The following COL25A1 variants were observed in gnomAD, a reference collection of about 807,000 sequenced individuals.
The protein encoded by COL25A1 is collagen type XXV alpha 1 chain, also known as collagen alpha-1(XXV) chain.
Under a neutral mutation model 128.4 loss-of-function variants are expected in COL25A1, and 103 were observed. That is an observed-to-expected ratio of 0.80 (90% CI 0.68 to 0.94). COL25A1 has a LOEUF of 0.94. COL25A1 is among the 40% of genes least tolerant of loss of function. The pLI is 0.00. For missense variants in COL25A1, 745 were observed against 840.0 expected (o/e 0.89, Z 1.40); for synonymous variants, 279 against 277.2 (o/e 1.01, Z -0.06).
chr4:109,234,695 G>A (rs1779357826), intron 3 of COL25A1, among the ~76,000 whole-genome samples: 1 of 151,990 alleles, frequency 6.6e-6, no homozygotes, highest in African/African-American at 2.4e-5. Flanking sequence ...AGCAAAAATG[G>A]TCACAATCAT....
At chr4:109,015,122 A>G (rs943045164) in intron 5 of COL25A1, among the ~76,000 whole-genome samples, 4 of 152,248 alleles carry the variant, frequency 2.6e-5, no homozygotes, top group African/African-American at 9.6e-5. Context: ...AGAGCAGGAG[A>G]GTGTCTCAGA....
At chr4:109,042,133 C>T (rs745536215) in intron 5 of COL25A1, among the ~76,000 whole-genome samples, 12 of 152,002 alleles carry the variant, frequency 7.9e-5, no homozygotes, top group Non-Finnish European at 1.8e-4. Flanking sequence ...CTTACTGTAG[C>T]CACTTCCAGA....
At chr4:109,294,095 C>T (rs1724731162) in intron 3 of COL25A1, among the ~76,000 whole-genome samples, 1 of 152,032 alleles carries the variant, frequency 6.6e-6, no homozygotes, top group Non-Finnish European at 1.5e-5. Flanking sequence ...GAAGAAATTC[C>T]TTGCTTCCTC....
chr4:109,156,449 A>C (rs1040550916), intron 3 of COL25A1, among the ~76,000 whole-genome samples: 2 of 152,210 alleles, frequency 1.3e-5, no homozygotes, highest in African/African-American at 2.4e-5. Context: ...AAAATGTTTA[A>C]TTCTTAGTGG....
rs1468246561 is a variant in COL25A1, at chr4:108,920,578, C to T, written c.735G>A (p.Lys245=). 1 of 1,602,502 alleles carries T rather than the reference C, an allele frequency of 6.2e-7. No individual in the cohort carries two copies. Among genetic ancestry groups the T allele is most frequent in the Non-Finnish European group, 8.5e-7 (1 of 1,171,914 alleles). Residue 245 remains lysine (K), a splice_region_variant and synonymous_variant, in exon 12 of 38, where the codon AAG becomes AAA. Transcript: ENST00000399132. ...CACAATATTGTTGTTTATACTCTAC[C>T]TTTTGTCCCGGAGGCCCTAGAGGAC... ...LMGPLGPPGQ[K]GSIGAPGIPG...
intron 11 of COL25A1, among the ~76,000 whole-genome samples, chr4:108,931,894 G>A (rs1340890249): frequency 6.6e-6 from 1 of 152,328 alleles, no homozygotes; most frequent in South Asian, 2.1e-4. Context: ...TGGACAATCA[G>A]ATTAAGGGAG....
chr4:108,978,215 G>A (rs555990251), intron 6 of COL25A1, among the ~76,000 whole-genome samples: 1 of 152,350 alleles, frequency 6.6e-6, no homozygotes, highest in Non-Finnish European at 1.5e-5. Context: ...GCACCTGCCA[G>A]CTTAGGACAG....
intron 3 of COL25A1, among the ~76,000 whole-genome samples, chr4:109,221,032 C>T (rs1341238968): frequency 1.3e-5 from 2 of 151,972 alleles, no homozygotes; most frequent in Admixed American, 1.3e-4. Context: ...GCAAGAGTTT[C>T]CCAACCCTGC....
intron 8 of COL25A1, among the ~76,000 whole-genome samples, chr4:108,969,845 C>G (rs867422789): frequency 2.6e-5 from 4 of 152,114 alleles, no homozygotes; most frequent in African/African-American, 9.7e-5. Context: ...CTTGGTCACC[C>G]TGCTTTCAGT....
At chr4:109,043,031 A>G (rs995959960) in intron 5 of COL25A1, among the ~76,000 whole-genome samples, 1 of 152,088 alleles carries the variant, frequency 6.6e-6, no homozygotes, top group Non-Finnish European at 1.5e-5. Flanking sequence ...GACTTTGAAG[A>G]GGGACAGACC....
At chr4:109,031,180 C>T (rs868773686) in intron 5 of COL25A1, among the ~76,000 whole-genome samples, 1 of 152,168 alleles carries the variant, frequency 6.6e-6, no homozygotes, top group African/African-American at 2.4e-5. Context: ...GGCGCGATCT[C>T]GGCTCACTGC....
intron 5 of COL25A1, among the ~76,000 whole-genome samples, chr4:109,015,057 T>G (rs940083189): frequency 6.6e-6 from 1 of 152,020 alleles, no homozygotes; most frequent in Non-Finnish European, 1.5e-5. Flanking sequence ...AGAGGAGAGG[T>G]TTCTGGTGAT....
intron 5 of COL25A1, among the ~76,000 whole-genome samples, chr4:109,012,770 C>T (rs913368768): frequency 6.6e-6 from 1 of 152,188 alleles, no homozygotes; most frequent in African/African-American, 2.4e-5. Context: ...GCAGTGGGCT[C>T]CCATGTGGCC....
At chr4:109,148,403 C>A (rs1771156370) in intron 3 of COL25A1, among the ~76,000 whole-genome samples, 1 of 152,188 alleles carries the variant, frequency 6.6e-6, no homozygotes. Flanking sequence ...ATTGCCTGTT[C>A]TTACCTTTAC....
chr4:109,131,438 A>C (rs2126068902), intron 3 of COL25A1, among the ~76,000 whole-genome samples: 1 of 152,336 alleles, frequency 6.6e-6, no homozygotes, highest in East Asian at 1.9e-4. Context: ...ATTGTTTTAA[A>C]CATACTGCTG....
intron 3 of COL25A1, among the ~76,000 whole-genome samples, chr4:109,163,624 G>C (rs1031634092): frequency 1.6e-4 from 24 of 152,166 alleles, no homozygotes; most frequent in African/African-American, 5.6e-4. Context: ...ATGGCTAAAG[G>C]TGTTTTCTGA....
intron 6 of COL25A1, among the ~76,000 whole-genome samples, chr4:108,977,619 G>A (rs992990951): frequency 1.3e-5 from 2 of 152,184 alleles, no homozygotes; most frequent in Non-Finnish European, 2.9e-5. Flanking sequence ...TAGCATGTTA[G>A]TTAACTTTAT....
At chr4:109,104,085 C>G (rs1766164822) in intron 3 of COL25A1, among the ~76,000 whole-genome samples, 1 of 152,106 alleles carries the variant, frequency 6.6e-6, no homozygotes, top group African/African-American at 2.4e-5. Context: ...GAAAATCACT[C>G]TTTTTAGCCA....
At chr4:109,108,756 T>C (rs1027067516) in intron 3 of COL25A1, among the ~76,000 whole-genome samples, 8 of 142,880 alleles carry the variant, frequency 5.6e-5, no homozygotes, top group African/African-American at 2.2e-4. Flanking sequence ...GTACTCATTA[T>C]GGTTTTTTAT....
Sources: gnomAD v4.1 joint callset for allele counts (sites outside exome capture counted in the v4.1 genomes callset) on GRCh38, gnomAD v4.1.1 for gene constraint, MANE v1.5 for transcripts, NCBI Gene and HGNC (gene_info 2026-07-23, HGNC 2026-07-21) for gene names.